The following SAMD13 variants were observed in gnomAD, a reference collection of about 807,000 sequenced individuals.
SAMD13 encodes sterile alpha motif domain-containing protein 13.
SAMD13 carries 9 observed loss-of-function variants against 12.4 expected under a neutral mutation model. The ratio of observed to expected loss-of-function variants is 0.72; its 90% CI spans 0.44 to 1.26. SAMD13 has a LOEUF of 1.26. Ranked by LOEUF, SAMD13 falls within the 50% of genes most tolerant of loss-of-function variation. The pLI, the probability that SAMD13 is intolerant of heterozygous loss-of-function variation, is 0.00. For synonymous variants in SAMD13, 46 were observed against 45.4 expected, an observed-to-expected ratio of 1.01 and a Z score of -0.05; for missense variants, 84 against 119.6, an observed-to-expected ratio of 0.70 and a Z score of 1.39.
In SAMD13 at chr1:84,307,188, T is replaced by G. The variant is rs539288881; in HGVS notation, c.53+3901T>G. Among the ~76,000 whole-genome samples the G allele has an allele frequency of 2.0e-5, 3 of 152,348 alleles. No homozygotes were observed. In the South Asian group the frequency reaches 6.2e-4, roughly 32 times the overall value. ...CCAATTTTATGTGGATTTGACCACT[T>G]GATATTGTCCCATAATTCATTGATG... On this transcript the variant is annotated intron_variant, in intron 2 of 3. Coordinates refer to ENST00000394834, the MANE Select transcript of SAMD13 (RefSeq NM_001134663.2).
chr1:84,311,987 G>A (rs575500361), intron 2 of SAMD13, among the ~76,000 whole-genome samples: 1 of 152,132 alleles, frequency 6.6e-6, no homozygotes, highest in African/African-American at 2.4e-5. Flanking sequence ...TGAATCAGTT[G>A]GTCTTAGGTT....
In SAMD13 at chr1:84,324,216, A is replaced by C. The variant is rs1467613924; in HGVS notation, c.54-1421A>C. Among the ~76,000 whole-genome samples the C allele has an allele frequency of 3.3e-5, 5 of 152,140 alleles. No homozygotes were observed. The East Asian group carries it at 9.6e-4, about 29-fold the overall frequency. The stretch of plus-strand genomic sequence containing the variant: ...CCTCTCCAGCATCCTCTTTTTCAAA[A>C]TGTGAATCTGATCAGGTCACCCCCT... On this transcript the variant is annotated intron_variant, in intron 2 of 3. Coordinates refer to ENST00000394834, the MANE Select transcript of SAMD13 (RefSeq NM_001134663.2).
At chr1:84,314,746 T>C (rs1236824491) in intron 2 of SAMD13, among the ~76,000 whole-genome samples, 1 of 152,146 alleles carries the variant, frequency 6.6e-6, no homozygotes, top group Non-Finnish European at 1.5e-5. Flanking sequence ...AGGGAAACTA[T>C]TAGCTCCCAA....
intron 3 of SAMD13, among the ~76,000 whole-genome samples, chr1:84,336,709 A>G (rs896000888): frequency 1.3e-5 from 2 of 152,168 alleles, no homozygotes; most frequent in Admixed American, 1.3e-4. Context: ...ACATTTCAAA[A>G]CCATTCATGC....
intron 2 of SAMD13, among the ~76,000 whole-genome samples, chr1:84,312,853 A>T (rs1678744556): frequency 6.6e-6 from 1 of 152,212 alleles, no homozygotes. Flanking sequence ...CTGCTACCAT[A>T]TTGAAAAGCA....
upstream of SAMD13, among the ~76,000 whole-genome samples, chr1:84,299,041 G>A (rs1009758848): frequency 1.3e-5 from 2 of 152,156 alleles, no homozygotes; most frequent in Non-Finnish European, 2.9e-5. Flanking sequence ...CCAAGAGGCA[G>A]CCTGGCGTCT....
intron 3 of SAMD13, among the ~76,000 whole-genome samples, chr1:84,347,913 T>C (rs1029125542): frequency 6.6e-6 from 1 of 152,200 alleles, no homozygotes; most frequent in Admixed American, 6.5e-5. Context: ...TTTTCTGCTC[T>C]TTGTACTATG....
chr1:84,315,115 T>A (rs1038339676), intron 2 of SAMD13, among the ~76,000 whole-genome samples: 71 of 152,098 alleles, frequency 4.7e-4, no homozygotes, highest in African/African-American at 1.5e-3. Flanking sequence ...CTATGAGTTC[T>A]ACACTCAACA....
chr1:84,346,442 C>T (rs910774497), intron 3 of SAMD13, among the ~76,000 whole-genome samples: 2 of 152,184 alleles, frequency 1.3e-5, no homozygotes, highest in African/African-American at 4.8e-5. Context: ...TTTACTGACA[C>T]TAACAAATGA....
At chr1:84,323,658 T>C (rs927461281) in intron 2 of SAMD13, among the ~76,000 whole-genome samples, 1 of 152,194 alleles carries the variant, frequency 6.6e-6, no homozygotes, top group Non-Finnish European at 1.5e-5. Flanking sequence ...CAAAACATTA[T>C]GCTGGGGGAT....
upstream of SAMD13, chr1:84,299,604 C>T (rs756196722): frequency 2.9e-5 from 44 of 1,516,394 alleles, no homozygotes; most frequent in Non-Finnish European, 3.7e-5. Context: ...AACTTTTTAT[C>T]AGCAGAGGAT....
At chr1:84,338,498 C>T (rs1001579943) in intron 3 of SAMD13, among the ~76,000 whole-genome samples, 4 of 140,594 alleles carry the variant, frequency 2.8e-5, no homozygotes, top group Non-Finnish European at 6.0e-5. Context: ...AGTGCAATGG[C>T]GTGCTCTCAG....
chr1:84,335,598 G>T (rs1392080358), intron 3 of SAMD13, among the ~76,000 whole-genome samples: 2 of 152,058 alleles, frequency 1.3e-5, no homozygotes, highest in African/African-American at 4.8e-5. Flanking sequence ...ATTGTTAGGG[G>T]GTTATTAGGC....
At chr1:84,303,503 T>C (rs2101785161) in intron 2 of SAMD13, 2 of 420,100 alleles carry the variant, frequency 4.8e-6, no homozygotes, top group Non-Finnish European at 8.9e-6. Flanking sequence ...AAAATATATA[T>C]GAAAGGTTTG....
At chr1:84,318,650 T>G (rs1390449705) in intron 2 of SAMD13, among the ~76,000 whole-genome samples, 1 of 152,190 alleles carries the variant, frequency 6.6e-6, no homozygotes, top group Non-Finnish European at 1.5e-5. Context: ...GTTCACTGTT[T>G]CTTTGTTGAA....
intron 2 of SAMD13, among the ~76,000 whole-genome samples, chr1:84,317,277 C>T (rs766185697): frequency 1.3e-5 from 2 of 151,958 alleles, no homozygotes; most frequent in Non-Finnish European, 2.9e-5. Context: ...ATCCTTGCCT[C>T]GTTCCTGATC....
chr1:84,322,758 A>G (rs991645759), intron 2 of SAMD13, among the ~76,000 whole-genome samples: 2 of 152,058 alleles, frequency 1.3e-5, no homozygotes, highest in Non-Finnish European at 2.9e-5. Context: ...CATATGAAAG[A>G]GTGCCCCGTT....
chr1:84,311,008 A>T (rs996170863), intron 2 of SAMD13, among the ~76,000 whole-genome samples: 1 of 152,122 alleles, frequency 6.6e-6, no homozygotes, highest in Non-Finnish European at 1.5e-5. Context: ...ATGCAGTGTG[A>T]TATCAAAGTT....
At chr1:84,326,634 T>C (rs1377045401) in intron 3 of SAMD13, among the ~76,000 whole-genome samples, 1 of 152,150 alleles carries the variant, frequency 6.6e-6, no homozygotes, top group Admixed American at 6.6e-5. Context: ...AGTTCCTATT[T>C]CTCTACCAAC....
Sources: allele counts gnomAD v4.1 joint callset (sites outside exome capture counted in the v4.1 genomes callset), GRCh38; gene constraint gnomAD v4.1.1; transcripts MANE v1.5; gene names NCBI Gene and HGNC (gene_info 2026-07-23, HGNC 2026-07-21).